The following KLF8 variants were observed in gnomAD, a reference collection of about 807,000 sequenced individuals.
The protein encoded by KLF8 is Krueppel-like factor 8.
In KLF8, 10 loss-of-function variants were observed where a neutral mutation model predicts 18.2. The ratio of observed to expected loss-of-function variants is 0.55; its 90% CI spans 0.34 to 0.93. KLF8 has a LOEUF of 0.93. Among genes scored for constraint, KLF8 ranks in the 40% least tolerant of loss-of-function variants. The pLI is 0.02. For synonymous variants in KLF8, 109 were observed against 97.3 expected (o/e 1.12, Z -0.71); for missense variants, 264 against 277.9 (o/e 0.95, Z 0.36).
chrX:56,063,163 C>T, the KLF8 span, among the ~76,000 whole-genome samples: 1 of 111,545 alleles, frequency 9.0e-6, no homozygotes, highest in South Asian at 3.7e-4. Context: ...AAGCCTACTT[C>T]CTTCAATTCA....
chrX:56,103,696 A>C, the KLF8 span, among the ~76,000 whole-genome samples: 3 of 110,847 alleles, frequency 2.7e-5, no homozygotes, highest in African/African-American at 9.9e-5. Context: ...AATTGAATAC[A>C]CTTTATTTCT....
At chrX:55,979,469 G>C in the KLF8 span, among the ~76,000 whole-genome samples, 1 of 112,036 alleles carries the variant, frequency 8.9e-6, no homozygotes, top group Non-Finnish European at 1.9e-5. Context: ...TGGATACAGA[G>C]GCACTCCTGT....
intron 2 of KLF8, among the ~76,000 whole-genome samples, chrX:56,258,648 T>G (rs1166618159): frequency 8.9e-6 from 1 of 112,501 alleles, no homozygotes; most frequent in Non-Finnish European, 1.9e-5. Flanking sequence ...ATTCTTTAGG[T>G]ATACTGAACT....
the KLF8 span, among the ~76,000 whole-genome samples, chrX:55,948,867 G>A: frequency 0.13 from 14,704 of 111,622 alleles, 1,739 homozygotes; most frequent in African/African-American, 0.39. Flanking sequence ...TATAAAATGA[G>A]TTCTTACATG....
At chrX:56,045,585 T>C in the KLF8 span, among the ~76,000 whole-genome samples, 1 of 111,863 alleles carries the variant, frequency 8.9e-6, no homozygotes, top group South Asian at 3.7e-4. Context: ...AGTGTTTTTG[T>C]TTGTTTGTTT....
At chrX:55,912,835 A>G in the KLF8 span, among the ~76,000 whole-genome samples, 1 of 111,851 alleles carries the variant, frequency 8.9e-6, no homozygotes, top group Non-Finnish European at 1.9e-5. Flanking sequence ...ATATCAATGT[A>G]TATAATGTTC....
the KLF8 span, among the ~76,000 whole-genome samples, chrX:56,045,055 T>C: frequency 0.041 from 4,547 of 112,121 alleles, 224 homozygotes; most frequent in African/African-American, 0.14. Context: ...CTTTGGTCCA[T>C]GTTGAGTTGA....
At chrX:56,132,220 T>G in the KLF8 span, among the ~76,000 whole-genome samples, 9 of 111,722 alleles carry the variant, frequency 8.1e-5, no homozygotes, top group African/African-American at 2.6e-4. Context: ...TTCTCCAAGA[T>G]AGATGATATG....
At chrX:55,941,652 A>G in the KLF8 span, among the ~76,000 whole-genome samples, 1 of 111,922 alleles carries the variant, frequency 8.9e-6, no homozygotes, top group African/African-American at 3.3e-5. Context: ...AGAATCTATA[A>G]TGAACTCAAA....
At chrX:55,917,896 A>G in the KLF8 span, among the ~76,000 whole-genome samples, 1 of 112,096 alleles carries the variant, frequency 8.9e-6, no homozygotes. Context: ...ACTTGCTTTC[A>G]GTCACACAGC....
chrX:55,942,564 G>A, the KLF8 span, among the ~76,000 whole-genome samples: 3,551 of 111,118 alleles, frequency 0.032, 165 homozygotes, highest in African/African-American at 0.11. Context: ...AAATGCATAG[G>A]CAAGATAATT....
chrX:56,256,613 C>T (rs2066799163), intron 2 of KLF8, among the ~76,000 whole-genome samples: 1 of 111,770 alleles, frequency 8.9e-6, no homozygotes, highest in Admixed American at 9.5e-5. Flanking sequence ...ATGTTGTTTT[C>T]CATTATCACT....
the KLF8 span, among the ~76,000 whole-genome samples, chrX:56,198,012 G>C: frequency 8.9e-6 from 1 of 112,032 alleles, no homozygotes; most frequent in African/African-American, 3.2e-5. Context: ...AATAGATGCA[G>C]AAAAGGCCTT....
At chrX:55,928,084 C>A in the KLF8 span, among the ~76,000 whole-genome samples, 2 of 112,142 alleles carry the variant, frequency 1.8e-5, no homozygotes, top group African/African-American at 6.5e-5. Context: ...TCCTTAGTCT[C>A]CTCTGCTCTG....
chrX:56,191,527 T>G, the KLF8 span, among the ~76,000 whole-genome samples: 1 of 111,708 alleles, frequency 9.0e-6, no homozygotes, highest in Non-Finnish European at 1.9e-5. Flanking sequence ...GTATCACTGA[T>G]AAGTATTGAT....
the KLF8 span, among the ~76,000 whole-genome samples, chrX:56,217,442 G>C: frequency 6.9e-5 from 6 of 86,824 alleles, no homozygotes; most frequent in Non-Finnish European, 1.3e-4. Flanking sequence ...CTGAGACAGA[G>C]TCTTGCTCTG....
At chrX:55,937,735 G>A in the KLF8 span, among the ~76,000 whole-genome samples, 5 of 112,440 alleles carry the variant, frequency 4.4e-5, no homozygotes, top group Non-Finnish European at 9.4e-5. Context: ...ATGCACATGC[G>A]TCAGTAGCTG....
At chrX:55,940,071 A>G in the KLF8 span, among the ~76,000 whole-genome samples, 2 of 110,545 alleles carry the variant, frequency 1.8e-5, no homozygotes, top group African/African-American at 6.6e-5. Flanking sequence ...GAGACACAAC[A>G]AAAAAAACAG....
the KLF8 span, among the ~76,000 whole-genome samples, chrX:56,040,792 G>A: frequency 2.2e-4 from 7 of 31,215 alleles, no homozygotes; most frequent in Admixed American, 9.0e-4. Flanking sequence ...CAGTAGAAAT[G>A]ATACCAGCTT....
Sources: allele counts gnomAD v4.1 joint callset (sites outside exome capture counted in the v4.1 genomes callset), GRCh38; gene constraint gnomAD v4.1.1; transcripts MANE v1.5; gene names NCBI Gene and HGNC (gene_info 2026-07-23, HGNC 2026-07-21).